The following ARL2BP variants were observed in gnomAD, a reference collection of about 807,000 sequenced individuals.
ARL2BP encodes ARF like GTPase 2 binding protein.
ARL2BP carries 19 observed loss-of-function variants against 24.2 expected under a neutral mutation model. The ratio of observed to expected loss-of-function variants is 0.79; its 90% CI spans 0.55 to 1.15. The LOEUF (loss-of-function observed/expected upper bound fraction) is 1.15. ARL2BP is among the 50% of genes most tolerant of loss of function. The probability of loss-of-function intolerance (pLI) is 0.00; values close to 1 mark genes in which losing one functional copy is unlikely to be tolerated. For missense variants in ARL2BP, 160 were observed against 190.4 expected (o/e 0.84, Z 0.94); for synonymous variants, 56 against 70.5 (o/e 0.79, Z 1.03).
At chr16:57,246,163 T>C (rs1294386685) in intron 2 of ARL2BP, 22 bp downstream of exon 2, 5 of 1,602,782 alleles carry the variant, frequency 3.1e-6, no homozygotes, top group Non-Finnish European at 4.3e-6. Context: ...AGATACTGTT[T>C]TTAAGGACTT....
intron 1 of ARL2BP, 146 bp from the exon 2 acceptor site, chr16:57,245,934 C>T: frequency 1.4e-6 from 1 of 737,686 alleles, no homozygotes; most frequent in South Asian, 1.7e-5. Flanking sequence ...CTAGATCAGT[C>T]AGTCATTCTT....
chr16:57,250,701 C>T, intron 5 of ARL2BP, 194 bp downstream of exon 5: 1 of 587,438 alleles, frequency 1.7e-6, no homozygotes, highest in South Asian at 2.2e-5. Context: ...GCCCAGGTAC[C>T]AACTTAGAGT....
chr16:57,249,460 GC>G (rs763463634), intron 3 of ARL2BP: 2 of 343,712 alleles, frequency 5.8e-6, no homozygotes, highest in Non-Finnish European at 1.1e-5. Context: ...AGGAGGCAAA[GC>G]CCCCACTTAC....
rs2075388536 is a variant in ARL2BP, at chr16:57,245,791, T to C, written c.39-289T>C. ...CGGCAGGTGTTTCGCCCGTGCCGGG[T>C]TCATGCTCACAAGCAGACAGGTATG... On this transcript the variant is annotated intron_variant, in intron 1 of 5. Transcript: ENST00000219204. The C allele has an allele frequency of 8.6e-5, 38 of 442,602 alleles. No individual in the cohort carries two copies. In the South Asian group the frequency reaches 1.0e-3, roughly 12 times the overall value. 27.4% of individuals were successfully genotyped at this position (442,602 alleles called of 1,614,324 possible).
intron 5 of ARL2BP, chr16:57,251,679 G>C (rs1323461861): frequency 6.5e-6 from 1 of 154,386 alleles, no homozygotes. Flanking sequence ...CCAGGGCCAG[G>C]CTGGACACAG....
intron 4 of ARL2BP, 118 bp from the exon 5 acceptor site, chr16:57,250,293 A>C: frequency 1.1e-6 from 1 of 896,006 alleles, no homozygotes; most frequent in Non-Finnish European, 1.8e-6. Context: ...CAGTCTCTAA[A>C]AAAACAAAAC....
intron 5 of ARL2BP, chr16:57,251,234 T>G (rs1256788377): frequency 6.6e-6 from 1 of 151,044 alleles, no homozygotes; most frequent in Admixed American, 6.6e-5. Context: ...CCTGTCTCTA[T>G]GAAAAATACA....
Position 57,252,149 on chromosome 16 carries a change from G to A in ARL2BP, c.391-17G>A, listed in dbSNP as rs761383685. On this transcript the variant is annotated splice_polypyrimidine_tract_variant and intron_variant, in intron 5 of 5. Coordinates refer to ENST00000219204, the MANE Select transcript of ARL2BP (RefSeq NM_012106.4). Reference sequence around the variant, plus strand: ...AGGGCTCTTTCTAGTCCTTCCTTTGGTTGTTTTCTCATATAGGAAAAAGAA... The same window carrying A: ...AGGGCTCTTTCTAGTCCTTCCTTTGATTGTTTTCTCATATAGGAAAAAGAA... 2.1e-5 allele frequency: 34 copies of A among 1,611,884 alleles called. No homozygotes were observed. The highest frequency in any genetic ancestry group is 2.7e-5 in the Non-Finnish European group (32 of 1,178,988).
rs781043409 is a variant in ARL2BP, at chr16:57,246,157, A to G, written c.100+16A>G. The stretch of plus-strand genomic sequence containing the variant: ...ATTATCATGGGTAAGCTTTTAAGAT[A>G]CTGTTTTTAAGGACTTGCTTGTTTC... On this transcript the variant is annotated intron_variant, in intron 2 of 5. Transcript: ENST00000219204. 2.1e-5 allele frequency: 34 copies of G among 1,609,762 alleles called. No individual in the cohort carries two copies. The highest frequency in any genetic ancestry group is 2.8e-5 in the Non-Finnish European group (33 of 1,177,110).
intron 2 of ARL2BP, among the ~76,000 whole-genome samples, chr16:57,246,672 C>T (rs1361988357): frequency 6.6e-6 from 1 of 152,038 alleles, no homozygotes; most frequent in Non-Finnish European, 1.5e-5. Flanking sequence ...GGCGTGGTAG[C>T]GGGCGCCTGT....
intron 4 of ARL2BP, 88 bp downstream of exon 4, chr16:57,249,940 G>A (rs1309608792): frequency 4.0e-6 from 5 of 1,238,240 alleles, no homozygotes; most frequent in Admixed American, 3.5e-5. Flanking sequence ...CTCCTTGTTT[G>A]TTTTCCTGTG....
Position 57,252,497 on chromosome 16 carries a change from C to A in ARL2BP, c.*230C>A. 1.4e-6 allele frequency: 1 copy of A among 693,508 alleles called. No individual in the cohort carries two copies. The highest frequency in any genetic ancestry group is 2.3e-6 in the Non-Finnish European group (1 of 437,798). 43.0% of individuals were successfully genotyped at this position (693,508 alleles called of 1,614,324 possible). ...AGTACTCCTCCCCACCTCAAGTAGA[C>A]ACCTCTCTCAGGAGCTTCTGAGTCA... On this transcript the variant is annotated 3_prime_UTR_variant, in exon 6 of 6. Transcript: ENST00000219204.
intron 2 of ARL2BP, among the ~76,000 whole-genome samples, chr16:57,246,665 G>C (rs976982201): frequency 6.6e-6 from 1 of 152,128 alleles, no homozygotes; most frequent in South Asian, 2.1e-4. Flanking sequence ...TTAGCCGGGC[G>C]TGGTAGCGGG....
At chr16:57,250,130 C>T in intron 4 of ARL2BP, 1 of 590,696 alleles carries the variant, frequency 1.7e-6, no homozygotes, top group East Asian at 2.8e-5. Flanking sequence ...CCCGACCCTA[C>T]AAAAAATAAA....
intron 2 of ARL2BP, chr16:57,247,370 TAATC>T (rs1162609949): frequency 2.0e-5 from 3 of 152,204 alleles, no homozygotes; most frequent in Non-Finnish European, 4.4e-5. Context: ...TTTTTAGAAA[TAATC>T]TATTCAGTTG....
At chr16:57,249,315 G>T (rs1483165359) in intron 3 of ARL2BP, 1 of 155,042 alleles carries the variant, frequency 6.4e-6, no homozygotes, top group Non-Finnish European at 1.4e-5. Flanking sequence ...CTGGGATTCT[G>T]TCATCTAAGA....
chr16:57,250,740 GCAGGTCT>G, intron 5 of ARL2BP: 2 of 535,290 alleles, frequency 3.7e-6, no homozygotes, highest in Non-Finnish European at 6.6e-6. Context: ...AACCGAAAAA[GCAGGTCT>G]CAGGTCTCAT....
intron 5 of ARL2BP, chr16:57,251,824 CTG>C (rs1200747429): frequency 4.9e-6 from 1 of 205,250 alleles, no homozygotes; most frequent in Non-Finnish European, 9.9e-6. Flanking sequence ...AGTTAGTCAG[CTG>C]TAGTGGTGCA....
rs1316390719 is a variant in ARL2BP at position 57,248,618 on chromosome 16, T to C, written c.182T>C (p.Ile61Thr). The part of the protein sequence containing the change: ...EFEDTEENKL[I>T]YTPIFNEYIS... ...GAAGACACAGAAGAGAATAAACTCA[T>C]CTACACACCTATTTTTAATGAATAC... The change falls in exon 3 of 6, where the codon ATC becomes ACC. Residue 61 changes from isoleucine to threonine, a missense_variant. Transcript: ENST00000219204. 2.5e-6 allele frequency: 4 copies of C among 1,592,946 alleles called. No homozygotes were observed. Among genetic ancestry groups the C allele is most frequent in the African/African-American group, 2.7e-5 (2 of 74,192 alleles).
Sources: allele counts gnomAD v4.1 joint callset (sites outside exome capture counted in the v4.1 genomes callset), GRCh38; gene constraint gnomAD v4.1.1; transcripts MANE v1.5; gene names NCBI Gene and HGNC (gene_info 2026-07-23, HGNC 2026-07-21).